Variants in LDB2 observed in about 807,000 individuals in gnomAD.
LDB2 encodes LIM domain-binding protein 2.
Under a neutral mutation model 44.3 loss-of-function variants are expected in LDB2, and 12 were observed. The ratio of observed to expected loss-of-function variants is 0.27; its 90% CI spans 0.17 to 0.44. The LOEUF is 0.44. Among genes scored for constraint, LDB2 ranks in the 20% least tolerant of loss-of-function variants. The probability of loss-of-function intolerance (pLI) is 1.00; values close to 1 mark genes in which losing one functional copy is unlikely to be tolerated. For missense variants in LDB2, 344 were observed against 473.5 expected (o/e 0.73, Z 2.54); for synonymous variants, 164 against 174.8 (o/e 0.94, Z 0.49).
chr4:16,883,880 C>T (rs910842314), intron 1 of LDB2, among the ~76,000 whole-genome samples: 2 of 152,140 alleles, frequency 1.3e-5, no homozygotes, highest in Admixed American at 1.3e-4. Flanking sequence ...GTTACATCAC[C>T]TTGGCTTACG....
intron 2 of LDB2, among the ~76,000 whole-genome samples, chr4:16,598,995 G>C (rs1721836985): frequency 6.6e-6 from 1 of 151,856 alleles, no homozygotes; most frequent in Non-Finnish European, 1.5e-5. Flanking sequence ...GGTAAACACT[G>C]AGAGAATAAA....
intron 5 of LDB2, among the ~76,000 whole-genome samples, chr4:16,544,644 T>C (rs922597697): frequency 2.0e-5 from 3 of 151,990 alleles, no homozygotes; most frequent in African/African-American, 7.2e-5. Flanking sequence ...TAGATGGGGC[T>C]GGGAGATAAG....
chr4:16,728,795 A>G (rs1760097324), intron 2 of LDB2, among the ~76,000 whole-genome samples: 1 of 152,194 alleles, frequency 6.6e-6, no homozygotes, highest in South Asian at 2.1e-4. Context: ...CTTGTGTGAG[A>G]TGATGGCACA....
chr4:16,560,859 C>G (rs1490588303), intron 5 of LDB2, among the ~76,000 whole-genome samples: 1 of 152,168 alleles, frequency 6.6e-6, no homozygotes, highest in African/African-American at 2.4e-5. Context: ...CATCAAAAAG[C>G]TTATCCACCA....
chr4:16,783,187 A>G (rs958073559), intron 1 of LDB2, among the ~76,000 whole-genome samples: 5 of 152,232 alleles, frequency 3.3e-5, no homozygotes, highest in Admixed American at 1.3e-4. Flanking sequence ...GCCTAGGGGT[A>G]TGGGATGATG....
chr4:16,667,076 A>G (rs972486597), intron 2 of LDB2, among the ~76,000 whole-genome samples: 3 of 152,236 alleles, frequency 2.0e-5, no homozygotes, highest in Non-Finnish European at 2.9e-5. Flanking sequence ...AACCTTATAT[A>G]TTTATTTAAG....
intron 2 of LDB2, among the ~76,000 whole-genome samples, chr4:16,637,299 A>ATTTTTTTTTTTT (rs34484721): frequency 1.2e-5 from 1 of 85,480 alleles, no homozygotes; most frequent in African/African-American, 4.9e-5. Context: ...GCCTAGGCTG[A>ATTTTTTTTTTTT]TTTTTTTTTT....
chr4:16,656,369 G>A (rs997891219), intron 2 of LDB2, among the ~76,000 whole-genome samples: 1 of 152,174 alleles, frequency 6.6e-6, no homozygotes, highest in East Asian at 1.9e-4. Flanking sequence ...TAGGAGTCCT[G>A]TAGCGCAGCC....
At chr4:16,613,857 A>G (rs1252886354) in intron 2 of LDB2, among the ~76,000 whole-genome samples, 1 of 152,374 alleles carries the variant, frequency 6.6e-6, no homozygotes, top group South Asian at 2.1e-4. Flanking sequence ...AGTAATTTAT[A>G]GATTCAATGC....
intron 1 of LDB2, among the ~76,000 whole-genome samples, chr4:16,894,920 G>A (rs1042181896): frequency 6.6e-6 from 1 of 151,644 alleles, no homozygotes; most frequent in African/African-American, 2.4e-5. Flanking sequence ...TATTGGATGT[G>A]TAATATTGAT....
Position 16,504,175 on chromosome 4 carries a change from A to C in LDB2, c.892-1302T>G, listed in dbSNP as rs185219724. Among the ~76,000 whole-genome samples the C allele has an allele frequency of 4.8e-3, 729 of 152,174 alleles. 34 individuals carry two copies. In the East Asian group the frequency reaches 0.099, roughly 21 times the overall value. On this transcript the variant is annotated intron_variant, in intron 7 of 7. Coordinates refer to ENST00000304523, the MANE Select transcript of LDB2 (RefSeq NM_001290.5). ...AAAATATTTTGACAACTGGGCAGAA[A>C]TTCATTTTACTAGAGCTTTGCCCAG...
chr4:16,725,273 C>A (rs1204860031), intron 2 of LDB2, among the ~76,000 whole-genome samples: 1 of 151,950 alleles, frequency 6.6e-6, no homozygotes, highest in African/African-American at 2.4e-5. Flanking sequence ...CACACACACG[C>A]ACATATATAC....
intron 1 of LDB2, among the ~76,000 whole-genome samples, chr4:16,819,574 TAA>T (rs1005987772): frequency 4.0e-5 from 6 of 151,856 alleles, no homozygotes; most frequent in Non-Finnish European, 8.8e-5. Context: ...TTGTACTCTC[TAA>T]AAAGCATTAG....
At chr4:16,781,246 G>T (rs1773157522) in intron 1 of LDB2, among the ~76,000 whole-genome samples, 1 of 152,164 alleles carries the variant, frequency 6.6e-6, no homozygotes, top group Admixed American at 6.5e-5. Flanking sequence ...GTGGGGCTAG[G>T]ATCTTAAGGG....
chr4:16,697,266 TACACACACACACAC>T (rs57040700), intron 2 of LDB2, among the ~76,000 whole-genome samples: 9 of 130,680 alleles, frequency 6.9e-5, no homozygotes, highest in Admixed American at 2.3e-4. Context: ...CTACTAAAAA[TACACACACACACAC>T]ACACACACAC....
At chr4:16,733,640 G>A (rs1314209553) in intron 2 of LDB2, among the ~76,000 whole-genome samples, 2 of 152,132 alleles carry the variant, frequency 1.3e-5, no homozygotes, top group African/African-American at 4.8e-5. Flanking sequence ...AGCAGCCCTG[G>A]GTAAAAAGTC....
At chr4:16,871,732 T>C (rs1716670149) in intron 1 of LDB2, among the ~76,000 whole-genome samples, 1 of 151,070 alleles carries the variant, frequency 6.6e-6, no homozygotes, top group African/African-American at 2.4e-5. Context: ...CAATTTCCCC[T>C]GCCTCAGCCT....
intron 2 of LDB2, among the ~76,000 whole-genome samples, chr4:16,690,459 C>CAGGAAGGAAGGAAGGAAGGA (rs768921074): frequency 2.4e-4 from 12 of 50,274 alleles, no homozygotes; most frequent in East Asian, 1.3e-3. Flanking sequence ...GAAGACCCTG[C>CAGGAAGGAAGGAAGGAAGGA]AGGAAGGAAG....
At chr4:16,709,095 A>G (rs1189671240) in intron 2 of LDB2, among the ~76,000 whole-genome samples, 2 of 112,434 alleles carry the variant, frequency 1.8e-5, no homozygotes, top group African/African-American at 3.0e-5. Context: ...GAAGCTGTCT[A>G]TTCTATCACC....
Sources: gnomAD v4.1 joint callset for allele counts (sites outside exome capture counted in the v4.1 genomes callset) on GRCh38, gnomAD v4.1.1 for gene constraint, MANE v1.5 for transcripts, NCBI Gene and HGNC (gene_info 2026-07-23, HGNC 2026-07-21) for gene names.